Variants in ZFAT observed in about 807,000 individuals in gnomAD.
The protein encoded by ZFAT is zinc finger and AT-hook domain containing.
A neutral mutation model predicts 117.7 loss-of-function variants in ZFAT; 64 were observed. The ratio of observed to expected loss-of-function variants is 0.54; its 90% CI spans 0.44 to 0.67. The LOEUF (loss-of-function observed/expected upper bound fraction) is 0.67. ZFAT is among the 30% of genes least tolerant of loss of function. The pLI, the probability that ZFAT is intolerant of heterozygous loss-of-function variation, is 0.00. For missense variants in ZFAT, 1,433 were observed against 1,584.5 expected (o/e 0.90, Z 1.62); for synonymous variants, 679 against 615.0 (o/e 1.10, Z -1.54).
At chr8:134,577,558 G>A (rs948302191) in intron 10 of ZFAT, among the ~76,000 whole-genome samples, 2 of 152,102 alleles carry the variant, frequency 1.3e-5, no homozygotes, top group African/African-American at 2.4e-5. Flanking sequence ...CTACTATATC[G>A]CAACCACTTC....
At chr8:134,670,522 A>G (rs1005411777) in intron 1 of ZFAT, among the ~76,000 whole-genome samples, 1 of 152,280 alleles carries the variant, frequency 6.6e-6, no homozygotes, top group Non-Finnish European at 1.5e-5. Context: ...TAACTAAATG[A>G]AAGCAGAAAT....
chr8:134,662,507 A>T (rs1189801267), intron 1 of ZFAT, among the ~76,000 whole-genome samples: 5 of 152,162 alleles, frequency 3.3e-5, no homozygotes, highest in Non-Finnish European at 7.3e-5. Context: ...TTTCCCTAAC[A>T]TGGCCACAGA....
intron 15 of ZFAT, among the ~76,000 whole-genome samples, chr8:134,495,127 G>A (rs1818338076): frequency 6.6e-6 from 1 of 152,150 alleles, no homozygotes; most frequent in Non-Finnish European, 1.5e-5. Flanking sequence ...AAGCAGCCTG[G>A]TCTCAGCTCA....
At chr8:134,778,679 G>T in the ZFAT span, among the ~76,000 whole-genome samples, 1 of 152,220 alleles carries the variant, frequency 6.6e-6, no homozygotes, top group Non-Finnish European at 1.5e-5. Context: ...GGAATGAAAA[G>T]AATGCAAAGG....
upstream of ZFAT, chr8:134,713,073 T>C (rs1814086491): frequency 6.0e-6 from 3 of 503,818 alleles, no homozygotes; most frequent in African/African-American, 2.0e-5. Context: ...GACGCCTGCG[T>C]AGCGGACGTC....
the ZFAT span, among the ~76,000 whole-genome samples, chr8:134,746,878 A>ATTTTC: frequency 1.3e-5 from 2 of 152,186 alleles, no homozygotes; most frequent in African/African-American, 4.8e-5. Flanking sequence ...TTGAGCTATA[A>ATTTTC]TATGTCTGCG....
chr8:134,690,403 G>T (rs1833533616), intron 1 of ZFAT, among the ~76,000 whole-genome samples: 2 of 152,198 alleles, frequency 1.3e-5, no homozygotes, highest in African/African-American at 4.8e-5. Flanking sequence ...TGTGCTCAGG[G>T]ATCCTGAGGT....
Position 134,497,001 on chromosome 8 carries a change from C to T in ZFAT, c.3492+12618G>A, listed in dbSNP as rs543490531. 1.2e-4 allele frequency among the ~76,000 whole-genome samples: 19 copies of T among 152,368 alleles called. No individual in the cohort carries two copies. The East Asian group carries it at 3.5e-3, about 28-fold the overall frequency. ...TGCAGGGACCCCCGCCCCCATAGGT[C>T]GTGCTCCTTCTTGGAGTGTTTGCTT... On this transcript the variant is annotated intron_variant, in intron 15 of 15. Coordinates refer to ENST00000377838, the MANE Select transcript of ZFAT (RefSeq NM_020863.4).
chr8:134,671,488 A>G (rs1279006597), intron 1 of ZFAT, among the ~76,000 whole-genome samples: 2 of 152,226 alleles, frequency 1.3e-5, no homozygotes, highest in Non-Finnish European at 2.9e-5. Flanking sequence ...TATAAACAGA[A>G]ACAAAGACAA....
chr8:134,588,567 T>C (rs1488429888), intron 8 of ZFAT, among the ~76,000 whole-genome samples, 172 bp from the exon 9 acceptor site: 1 of 152,186 alleles, frequency 6.6e-6, no homozygotes, highest in Non-Finnish European at 1.5e-5. Flanking sequence ...GAGTCTCAGA[T>C]CTCAGTATCT....
At chr8:134,516,176 G>A (rs1480621246) in intron 13 of ZFAT, among the ~76,000 whole-genome samples, 1 of 152,170 alleles carries the variant, frequency 6.6e-6, no homozygotes, top group East Asian at 1.9e-4. Flanking sequence ...TCTAAGTTTC[G>A]CTGATTGCAT....
chr8:134,513,432 C>G (rs1820009716), intron 13 of ZFAT, among the ~76,000 whole-genome samples: 1 of 152,106 alleles, frequency 6.6e-6, no homozygotes, highest in Non-Finnish European at 1.5e-5. Context: ...CTGAGCCTCC[C>G]AAAGTGTTGG....
intron 1 of ZFAT, among the ~76,000 whole-genome samples, chr8:134,685,586 C>A (rs1833279965): frequency 6.6e-6 from 1 of 152,154 alleles, no homozygotes; most frequent in African/African-American, 2.4e-5. Context: ...CCACCCCAAA[C>A]CACATACTTA....
chr8:134,657,984 CT>C (rs1831711810), intron 1 of ZFAT, among the ~76,000 whole-genome samples: 1 of 152,152 alleles, frequency 6.6e-6, no homozygotes, highest in South Asian at 2.1e-4. Context: ...TAATACAAAC[CT>C]TCTTGTTACC....
At chr8:134,661,272 C>A (rs1299052367) in intron 1 of ZFAT, among the ~76,000 whole-genome samples, 1 of 152,136 alleles carries the variant, frequency 6.6e-6, no homozygotes, top group Non-Finnish European at 1.5e-5. Context: ...ATGAGTGGAT[C>A]TGCTGACAAC....
chr8:134,606,306 T>A (rs1827883028), intron 5 of ZFAT, among the ~76,000 whole-genome samples: 1 of 152,204 alleles, frequency 6.6e-6, no homozygotes, highest in Non-Finnish European at 1.5e-5. Context: ...GGCTCCAATG[T>A]CAAGAGTTGA....
intron 2 of ZFAT, among the ~76,000 whole-genome samples, chr8:134,648,301 G>A (rs1306974064): frequency 6.6e-6 from 1 of 150,402 alleles, no homozygotes; most frequent in Non-Finnish European, 1.5e-5. Flanking sequence ...ACAAGCAGAA[G>A]GACAGAAATA....
chr8:134,656,279 A>G (rs116358433), intron 2 of ZFAT, among the ~76,000 whole-genome samples: 1,714 of 152,242 alleles, frequency 0.011, 33 homozygotes, highest in African/African-American at 0.039. Flanking sequence ...GCAATTACAC[A>G]TAACTTTCCT....
chr8:134,683,477 A>G (rs1449614808), intron 1 of ZFAT, among the ~76,000 whole-genome samples: 1 of 152,176 alleles, frequency 6.6e-6, no homozygotes, highest in Non-Finnish European at 1.5e-5. Context: ...CTGTGGCTGG[A>G]GCACCTGGAA....
Sources: gnomAD v4.1 joint callset for allele counts (sites outside exome capture counted in the v4.1 genomes callset) on GRCh38, gnomAD v4.1.1 for gene constraint, MANE v1.5 for transcripts, NCBI Gene and HGNC (gene_info 2026-07-23, HGNC 2026-07-21) for gene names.